Variants in FSTL5 observed in about 807,000 individuals in gnomAD.
The protein encoded by FSTL5 is follistatin like 5, also known as follistatin-related protein 5.
FSTL5 carries 62 observed loss-of-function variants against 89.1 expected under a neutral mutation model. The observed-to-expected ratio is 0.70, with a 90% CI of 0.57 to 0.86. The LOEUF (loss-of-function observed/expected upper bound fraction) is 0.86. FSTL5 is among the 40% of genes least tolerant of loss of function. FSTL5 has a pLI of 0.00. For synonymous variants in FSTL5, 383 were observed against 346.2 expected (o/e 1.11, Z -1.18); for missense variants, 1,057 against 1,001.6 (o/e 1.06, Z -0.75).
At chr4:161,815,249 G>A (rs184651304) in intron 4 of FSTL5, among the ~76,000 whole-genome samples, 221 of 151,906 alleles carry the variant, frequency 1.5e-3, no homozygotes, top group Non-Finnish European at 1.9e-3. Context: ...ATAAACACTG[G>A]ATACTATAAA....
chr4:161,834,516 T>C (rs185152392), intron 4 of FSTL5, among the ~76,000 whole-genome samples: 13,665 of 152,054 alleles, frequency 0.09, 741 homozygotes, highest in African/African-American at 0.16. Flanking sequence ...CAAATTGTCC[T>C]TGTTTGCAGA....
intron 8 of FSTL5, among the ~76,000 whole-genome samples, chr4:161,554,111 AC>A (rs1323400706): frequency 1.3e-5 from 2 of 151,544 alleles, no homozygotes; most frequent in Non-Finnish European, 3.0e-5. Flanking sequence ...AATGGAGGAA[AC>A]TAAATAAAAT....
At chr4:161,734,700 A>T (rs1739728503) in intron 6 of FSTL5, among the ~76,000 whole-genome samples, 1 of 152,200 alleles carries the variant, frequency 6.6e-6, no homozygotes, top group Admixed American at 6.6e-5. Context: ...AAAAACTTCA[A>T]CGAACTGTGT....
intron 7 of FSTL5, 110 bp from the exon 8 acceptor site, chr4:161,587,685 T>G (rs537622328): frequency 1.4e-6 from 1 of 728,994 alleles, no homozygotes; most frequent in African/African-American, 1.8e-5. Flanking sequence ...AATATTGTTT[T>G]AAAATTATCA....
intron 7 of FSTL5, among the ~76,000 whole-genome samples, chr4:161,627,877 C>T (rs1044040443): frequency 9.9e-5 from 15 of 152,034 alleles, no homozygotes; most frequent in African/African-American, 3.6e-4. Flanking sequence ...TATACTGTCA[C>T]GGTCATACAG....
intron 10 of FSTL5, among the ~76,000 whole-genome samples, chr4:161,536,850 A>G (rs2126537697): frequency 6.6e-6 from 1 of 152,346 alleles, no homozygotes; most frequent in African/African-American, 2.4e-5. Flanking sequence ...CACAAACATC[A>G]TCATAAGGAC....
intron 1 of FSTL5, among the ~76,000 whole-genome samples, chr4:162,154,812 G>A (rs1733403250): frequency 6.6e-6 from 1 of 150,596 alleles, no homozygotes; most frequent in Admixed American, 6.6e-5. Flanking sequence ...AACTATGCAG[G>A]TTTTTTTTTA....
intron 4 of FSTL5, among the ~76,000 whole-genome samples, chr4:161,833,162 T>C (rs2126863460): frequency 6.6e-6 from 1 of 152,020 alleles, no homozygotes; most frequent in Middle Eastern, 3.4e-3. Context: ...CAGGAGCAGG[T>C]TGTTCAGTAT....
At chr4:161,892,756 T>G (rs1340304120) in intron 4 of FSTL5, among the ~76,000 whole-genome samples, 1 of 152,130 alleles carries the variant, frequency 6.6e-6, no homozygotes, top group Admixed American at 6.5e-5. Context: ...ATCATTATTT[T>G]AATTAGTAGT....
chr4:162,097,075 GC>G (rs1380007051), intron 2 of FSTL5, among the ~76,000 whole-genome samples: 1 of 151,628 alleles, frequency 6.6e-6, no homozygotes, highest in Non-Finnish European at 1.5e-5. Context: ...TTTTACTATT[GC>G]TTTTCCTAGA....
At chr4:161,856,339 G>A (rs1389218868) in intron 4 of FSTL5, among the ~76,000 whole-genome samples, 1 of 151,922 alleles carries the variant, frequency 6.6e-6, no homozygotes, top group Non-Finnish European at 1.5e-5. Context: ...GTAGTTTATA[G>A]TTTTCTGTGA....
intron 3 of FSTL5, among the ~76,000 whole-genome samples, chr4:161,933,275 T>A (rs370922393): frequency 6.6e-6 from 1 of 152,104 alleles, no homozygotes; most frequent in Non-Finnish European, 1.5e-5. Context: ...ACTAGATTGC[T>A]ATTTCATGGT....
intron 5 of FSTL5, among the ~76,000 whole-genome samples, chr4:161,770,594 A>T (rs1741173474): frequency 6.6e-6 from 1 of 151,962 alleles, no homozygotes; most frequent in South Asian, 2.1e-4. Flanking sequence ...AAATATAACT[A>T]ATGAAAATAT....
intron 2 of FSTL5, among the ~76,000 whole-genome samples, chr4:162,055,725 A>G (rs976048856): frequency 6.6e-6 from 1 of 151,988 alleles, no homozygotes; most frequent in Non-Finnish European, 1.5e-5. Context: ...TTTACTATGT[A>G]TCAAAACTTC....
chr4:162,028,509 G>A (rs566488592), intron 3 of FSTL5, among the ~76,000 whole-genome samples: 31 of 152,222 alleles, frequency 2.0e-4, no homozygotes, highest in East Asian at 1.5e-3. Context: ...CCCAGGAGGC[G>A]GAGGTTGCAG....
At chr4:161,549,326 T>C (rs931419592) in intron 8 of FSTL5, among the ~76,000 whole-genome samples, 1 of 151,752 alleles carries the variant, frequency 6.6e-6, no homozygotes, top group Admixed American at 6.6e-5. Context: ...TAAAGAGTTG[T>C]ATATTGCAAA....
intron 15 of FSTL5, among the ~76,000 whole-genome samples, chr4:161,399,544 T>C (rs1188948653): frequency 6.6e-6 from 1 of 151,780 alleles, no homozygotes; most frequent in Non-Finnish European, 1.5e-5. Flanking sequence ...TATGGTACAT[T>C]ATCGAGCCAA....
chr4:161,828,398 G>C (rs1255265836), intron 4 of FSTL5, among the ~76,000 whole-genome samples: 2 of 152,116 alleles, frequency 1.3e-5, no homozygotes, highest in Non-Finnish European at 2.9e-5. Context: ...GCAGTTCCTG[G>C]AGTAAAAGTT....
intron 3 of FSTL5, among the ~76,000 whole-genome samples, chr4:161,976,857 T>A (rs1374863902): frequency 6.6e-6 from 1 of 152,162 alleles, no homozygotes; most frequent in East Asian, 1.9e-4. Flanking sequence ...GAAAGTATTC[T>A]ACATAAATGA....
Sources: gnomAD v4.1 joint callset for allele counts (sites outside exome capture counted in the v4.1 genomes callset) on GRCh38, gnomAD v4.1.1 for gene constraint, MANE v1.5 for transcripts, NCBI Gene and HGNC (gene_info 2026-07-23, HGNC 2026-07-21) for gene names.